The following ABCC5 variants were observed in gnomAD, a reference collection of about 807,000 sequenced individuals.
ABCC5 encodes ATP binding cassette subfamily C member 5.
A neutral mutation model predicts 160.9 loss-of-function variants in ABCC5; 61 were observed. That is an observed-to-expected ratio of 0.38 (90% CI 0.31 to 0.47). The LOEUF is 0.47. Ranked by LOEUF, ABCC5 falls within the 20% of genes least tolerant of loss-of-function variation. The pLI is 0.99. For missense variants in ABCC5, 1,308 were observed against 1,813.3 expected (o/e 0.72, Z 5.06); for synonymous variants, 666 against 700.6 (o/e 0.95, Z 0.78).
chr3:183,995,932 C>T (rs966587259), intron 2 of ABCC5, among the ~76,000 whole-genome samples: 3 of 151,962 alleles, frequency 2.0e-5, no homozygotes, highest in East Asian at 1.9e-4. Flanking sequence ...CTCAGCCTCC[C>T]GAGTAGCTGG....
At chr3:183,960,418 C>A (rs1716613782) in intron 16 of ABCC5, among the ~76,000 whole-genome samples, 1 of 152,204 alleles carries the variant, frequency 6.6e-6, no homozygotes, top group African/African-American at 2.4e-5. Context: ...CTCCCCTTGT[C>A]CCAATCGCAG....
chr3:183,967,608 C>T, intron 12 of ABCC5, 87 bp downstream of exon 12: 1 of 1,194,244 alleles, frequency 8.4e-7, no homozygotes, highest in South Asian at 1.2e-5. Context: ...TCCACCTTTC[C>T]TGACTCTCCA....
At chr3:183,984,587 G>T in intron 5 of ABCC5, 2 of 1,347,056 alleles carry the variant, frequency 1.5e-6, no homozygotes, top group South Asian at 1.7e-5. Context: ...TCAGATTTTT[G>T]CCAAGTCCCA....
chr3:183,978,312 G>A (rs977756183), intron 9 of ABCC5, among the ~76,000 whole-genome samples, 191 bp downstream of exon 9: 2 of 92,692 alleles, frequency 2.2e-5, no homozygotes, highest in African/African-American at 1.0e-4. Flanking sequence ...TCCATATGTG[G>A]TATTTTTTTT....
chr3:183,944,357 T>C (rs1714642815), intron 24 of ABCC5, among the ~76,000 whole-genome samples: 1 of 151,268 alleles, frequency 6.6e-6, no homozygotes, highest in Admixed American at 6.6e-5. Flanking sequence ...TTCATGCCAC[T>C]GCACTCAAGC....
chr3:183,991,311 A>AG (rs908867688), intron 2 of ABCC5, among the ~76,000 whole-genome samples: 2 of 151,702 alleles, frequency 1.3e-5, no homozygotes, highest in Non-Finnish European at 2.9e-5. Context: ...AGAAGGAAAA[A>AG]AAAAACAAAA....
rs900437165 is a variant in ABCC5 at position 183,922,823 on chromosome 3, G to A, written c.4213-1422C>T. 7.9e-5 allele frequency among the ~76,000 whole-genome samples: 12 copies of A among 152,148 alleles called. No homozygotes were observed. In the East Asian group the frequency reaches 1.7e-3, roughly 22 times the overall value. ...GACAGGCCACAAGGAGAACATAAGC[G>A]TGTCCTTCCTTTGGACACGTGTCCT... On this transcript the variant is annotated intron_variant, in intron 29 of 29. Coordinates refer to ENST00000334444, the MANE Select transcript of ABCC5 (RefSeq NM_005688.4).
chr3:184,007,652 C>A (rs1010245531), intron 2 of ABCC5, among the ~76,000 whole-genome samples: 2 of 151,824 alleles, frequency 1.3e-5, no homozygotes, highest in African/African-American at 4.8e-5. Context: ...ATGGTGAAAC[C>A]CCATCTCTAC....
Position 183,928,729 on chromosome 3 carries a change from C to T in ABCC5, c.3933+18G>A. The T allele has an allele frequency of 6.2e-7, 1 of 1,612,402 alleles. No homozygotes were observed. Among genetic ancestry groups the T allele is most frequent in the Non-Finnish European group, 8.5e-7 (1 of 1,178,538 alleles). On this transcript the variant is annotated intron_variant, in intron 27 of 29. Transcript: ENST00000334444. ...CCCTCACCATCTCAGCACGGCTTCCCCTAAGCTCTTCACTTACACATTCTT... is the reference window on the plus strand; with the variant it reads ...CCCTCACCATCTCAGCACGGCTTCCTCTAAGCTCTTCACTTACACATTCTT...
chr3:183,960,973 G>A (rs1207455886), intron 16 of ABCC5, among the ~76,000 whole-genome samples: 1 of 151,856 alleles, frequency 6.6e-6, no homozygotes, highest in Non-Finnish European at 1.5e-5. Context: ...TTTTTGTAAA[G>A]ACGGGGTTTC....
chr3:183,942,477 G>A (rs1310486849), intron 25 of ABCC5: 21 of 643,168 alleles, frequency 3.3e-5, no homozygotes, highest in African/African-American at 7.1e-5. Flanking sequence ...AGTTGTGGGT[G>A]CTGCTCCTCT....
chr3:183,985,098 C>T (rs1422353940), intron 5 of ABCC5: 9 of 659,034 alleles, frequency 1.4e-5, no homozygotes, highest in South Asian at 5.9e-5. Flanking sequence ...TCCAACACAT[C>T]GGGTTTTTAA....
intron 2 of ABCC5, 129 bp from the exon 3 acceptor site, chr3:183,989,512 G>A: frequency 1.1e-6 from 1 of 942,002 alleles, no homozygotes. Flanking sequence ...GCAAGGGTCA[G>A]GAGGTTAAAC....
In ABCC5 at chr3:183,971,644, T is replaced by C; in HGVS notation, c.1680A>G (p.Glu560=). The C allele has an allele frequency of 6.2e-7, 1 of 1,614,174 alleles. No individual in the cohort carries two copies. The highest frequency in any genetic ancestry group is 8.5e-7 in the Non-Finnish European group (1 of 1,180,028). Residue 560 remains glutamate, a synonymous_variant, in exon 11 of 30, where the codon GAA becomes GAG. Transcript: ENST00000334444. ...GGTGGATGTGCTTGCCTTCTTCCTC[T>C]TCGGGACTGGGCCGCTCGTCACTGT... ...LLDSDERPSP[E]EEEGKHIHLG...
rs576556660 is a variant in ABCC5, at chr3:183,928,812, G to C, written c.3868C>G (p.Pro1290Ala). The C allele has an allele frequency of 1.2e-6, 2 of 1,613,822 alleles. No homozygotes were observed. Among genetic ancestry groups the C allele is most frequent in the East Asian group, 4.5e-5 (2 of 44,862 alleles). ...FSGTVRSNLD[P>A]FNQYTEDQIW... ...TGGTCTTCAGTGTACTGGTTGAAGG[G>C]GTCCAAATTTGATCTAGGGAGAAAC... The change falls in exon 27 of 30, where the codon CCC (proline) becomes GCC (alanine). Residue 1290 changes from proline to alanine, a missense_variant. Transcript: ENST00000334444.
At chr3:183,924,669 C>T (rs1712347762) in intron 29 of ABCC5, among the ~76,000 whole-genome samples, 1 of 152,200 alleles carries the variant, frequency 6.6e-6, no homozygotes, top group Non-Finnish European at 1.5e-5. Context: ...GTACTAAGCA[C>T]TGCTGGGGCC....
intron 11 of ABCC5, among the ~76,000 whole-genome samples, chr3:183,969,983 C>A (rs539861409): frequency 2.0e-5 from 3 of 152,230 alleles, no homozygotes; most frequent in African/African-American, 4.8e-5. Context: ...TCTAAGACAT[C>A]CTCATCTTTC....
At chr3:183,978,474 A>T in intron 9 of ABCC5, 29 bp downstream of exon 9, 2 of 1,595,380 alleles carry the variant, frequency 1.3e-6, no homozygotes, top group East Asian at 2.2e-5. Context: ...TATTTCTAAA[A>T]TGTTCCCCAT....
chr3:183,957,319 C>T (rs1034276304), intron 17 of ABCC5, among the ~76,000 whole-genome samples: 1 of 111,308 alleles, frequency 9.0e-6, no homozygotes, highest in African/African-American at 3.2e-5. Context: ...TAAATCACAT[C>T]GGTTACATGC....
Sources: gnomAD v4.1 joint callset for allele counts (sites outside exome capture counted in the v4.1 genomes callset) on GRCh38, gnomAD v4.1.1 for gene constraint, MANE v1.5 for transcripts, NCBI Gene and HGNC (gene_info 2026-07-23, HGNC 2026-07-21) for gene names.